C14orf132: variants seen among roughly 807,000 people sequenced by gnomAD.
C14orf132 encodes chromosome 14 open reading frame 132, also known as uncharacterized protein C14orf132.
A neutral mutation model predicts 5.8 loss-of-function variants in C14orf132; 6 were observed. That is an observed-to-expected ratio of 1.03 (90% CI 0.57 to 2.04). The LOEUF (loss-of-function observed/expected upper bound fraction) is 2.04. C14orf132 is among the 30% of genes most tolerant of loss of function. The probability of loss-of-function intolerance (pLI) is 0.00; values close to 1 mark genes in which losing one functional copy is unlikely to be tolerated. For synonymous variants in C14orf132, 51 were observed against 49.8 expected (o/e 1.02, Z -0.10); for missense variants, 125 against 115.8 (o/e 1.08, Z -0.37).
intron 1 of C14orf132, among the ~76,000 whole-genome samples, chr14:96,075,505 G>A (rs1350492976): frequency 2.6e-5 from 4 of 152,162 alleles, no homozygotes; most frequent in African/African-American, 7.2e-5. Context: ...AGATCGTAGA[G>A]GGAAGCATTC....
chr14:96,068,933 G>A (rs967206042), intron 1 of C14orf132, among the ~76,000 whole-genome samples: 4 of 151,912 alleles, frequency 2.6e-5, no homozygotes, highest in African/African-American at 9.7e-5. Context: ...TCCACTGAGG[G>A]AGAAGGAAAA....
chr14:96,066,114 C>T (rs1263386405), intron 1 of C14orf132, among the ~76,000 whole-genome samples: 1 of 152,156 alleles, frequency 6.6e-6, no homozygotes, highest in Non-Finnish European at 1.5e-5. Context: ...TGGGGCATCT[C>T]AAACAGGCCT....
rs138967278 is a variant in C14orf132, at chr14:96,083,193, A to G, written c.28-3318A>G. 2.0e-3 allele frequency among the ~76,000 whole-genome samples: 301 copies of G among 152,262 alleles called. 1 individual carries two copies. The highest frequency in any genetic ancestry group is 6.9e-3 in the African/African-American group (286 of 41,560). The stretch of plus-strand genomic sequence containing the variant: ...CTGATTTCAAGTTCATTAATTCTGC[A>G]TGCTTTTACTTGTCACTTTTTTTGT... On this transcript the variant is annotated intron_variant, in intron 1 of 1. Transcript: ENST00000555004.
At position 96,090,647 on chromosome 14, in the gene C14orf132, C is replaced by A. The variant is rs751368787; in HGVS notation, c.*3912C>A. 2.2e-6 allele frequency: 1 copy of A among 455,940 alleles called. No individual in the cohort carries two copies. The highest frequency in any genetic ancestry group is 4.4e-6 in the Non-Finnish European group (1 of 226,792). 28.2% of individuals were successfully genotyped at this position (455,940 alleles called of 1,614,324 possible). A position where few individuals can be genotyped will look rare whatever the true frequency, so the allele number is the denominator to read the frequency against. On this transcript the variant is annotated 3_prime_UTR_variant, in exon 2 of 2. Transcript: ENST00000555004. ...AAGACTCCCTGCTCCACTCTACCCC[C>A]CAGAGAGAAATGATTCTCGCTCCTT...
intron 1 of C14orf132, among the ~76,000 whole-genome samples, chr14:96,084,964 C>T (rs779662469): frequency 1.2e-4 from 18 of 152,214 alleles, no homozygotes; most frequent in Non-Finnish European, 2.1e-4. Flanking sequence ...TGAGCAGCAG[C>T]TGCCCAGGCA....
rs1220325781 is a variant in C14orf132, at chr14:96,092,801, C to G, written c.*6066C>G. On this transcript the variant is annotated 3_prime_UTR_variant, in exon 2 of 2. Coordinates refer to ENST00000555004, the MANE Select transcript of C14orf132 (RefSeq NM_001252507.3). ...TAGTGGTGGCTTTCATGAGGCCAGT[C>G]GTTCTCAAGGAAGGGCTGGGGGCCA... 1.3e-5 allele frequency: 2 copies of G among 152,176 alleles called. No individual in the cohort carries two copies. The highest frequency in any genetic ancestry group is 1.5e-5 in the Non-Finnish European group (1 of 68,058). 9.4% of individuals were successfully genotyped at this position (152,176 alleles called of 1,614,324 possible). A position where few individuals can be genotyped will look rare whatever the true frequency, so the allele number is the denominator to read the frequency against.
At chr14:96,046,836 G>A (rs1271075931) in intron 1 of C14orf132, among the ~76,000 whole-genome samples, 1 of 152,152 alleles carries the variant, frequency 6.6e-6, no homozygotes, top group African/African-American at 2.4e-5. Flanking sequence ...TTTTCACAGA[G>A]GGGAAAAAAG....
rs1888291521 is a variant in C14orf132 at position 96,088,814 on chromosome 14, G to A, written c.*2079G>A. The A allele has an allele frequency of 6.6e-6, 1 of 152,322 alleles. No homozygotes were observed. 9.4% of individuals were successfully genotyped at this position (152,322 alleles called of 1,614,324 possible). A position where few individuals can be genotyped will look rare whatever the true frequency, so the allele number is the denominator to read the frequency against. On this transcript the variant is annotated 3_prime_UTR_variant, in exon 2 of 2. Transcript: ENST00000555004. ...AGGGTTCTGTGTTTGCTGCGGTGAA[G>A]GGAGGAGAAGGCAGGAGGAAAAAGG...
chr14:96,087,479 G>A lies in C14orf132; in HGVS notation c.*744G>A, dbSNP rs764117049. 2 of 152,088 alleles carry A rather than the reference G, an allele frequency of 1.3e-5. No homozygotes were observed. Among genetic ancestry groups the A allele is most frequent in the Non-Finnish European group, 2.9e-5 (2 of 68,036 alleles). 9.4% of individuals were successfully genotyped at this position (152,088 alleles called of 1,614,324 possible). A position where few individuals can be genotyped will look rare whatever the true frequency, so the allele number is the denominator to read the frequency against. On this transcript the variant is annotated 3_prime_UTR_variant, in exon 2 of 2. Transcript: ENST00000555004. ...TTCAGGCCACCCACGTGAGAATGCT[G>A]TTTCTTCTCTGAGGAATCGTGGAAT...
In C14orf132 at chr14:96,086,654, C is replaced by A. The variant is rs533002203; in HGVS notation, c.171C>A (p.Asp57Glu). ...QPEDPPRSSN[D>E]AVLLWIAIIA... ...AAGATCCTCCTCGGTCCTCCAACGACGCCGTCTTGCTATGGATTGCCATCA... is the reference window on the plus strand; with the variant it reads ...AAGATCCTCCTCGGTCCTCCAACGAAGCCGTCTTGCTATGGATTGCCATCA... The change falls in exon 2 of 2, where the codon GAC (aspartate) becomes GAA (glutamate). Residue 57 changes from aspartate (D) to glutamate (E), a missense_variant. Asp to Glu is a conservative substitution (Grantham distance 45). Coordinates refer to ENST00000555004, the MANE Select transcript of C14orf132 (RefSeq NM_001252507.3). 2.0e-6 allele frequency: 3 copies of A among 1,536,056 alleles called. No homozygotes were observed. The highest frequency in any genetic ancestry group is 2.7e-5 in the African/African-American group (2 of 73,058).
intron 1 of C14orf132, among the ~76,000 whole-genome samples, chr14:96,080,904 C>T (rs1339899570): frequency 1.1e-4 from 16 of 152,216 alleles, no homozygotes; most frequent in Non-Finnish European, 1.8e-4. Flanking sequence ...ATAACCATCA[C>T]GCGTTTGGTG....
At position 96,081,192 on chromosome 14, in the gene C14orf132, A is replaced by G. The variant is rs529164905; in HGVS notation, c.28-5319A>G. Among the ~76,000 whole-genome samples the G allele has an allele frequency of 2.6e-5, 4 of 152,316 alleles. No individual in the cohort carries two copies. The East Asian group carries it at 7.7e-4, about 29-fold the overall frequency. On this transcript the variant is annotated intron_variant, in intron 1 of 1. Coordinates refer to ENST00000555004, the MANE Select transcript of C14orf132 (RefSeq NM_001252507.3). ...AAATCCATGCATAGTACATGGTCAT[A>G]TTATGCATGCATGTTTTTGATTTCA...
chr14:96,049,274 G>A (rs1886926084), intron 1 of C14orf132, among the ~76,000 whole-genome samples: 1 of 151,986 alleles, frequency 6.6e-6, no homozygotes, highest in Non-Finnish European at 1.5e-5. Flanking sequence ...ATTTTTAAGA[G>A]CCTATTTTAA....
intron 1 of C14orf132, among the ~76,000 whole-genome samples, chr14:96,054,349 C>A (rs1373802015): frequency 6.6e-6 from 1 of 152,172 alleles, no homozygotes; most frequent in Non-Finnish European, 1.5e-5. Context: ...TTGTGCAGTG[C>A]ACTGATGGTA....
chr14:96,091,310 G>A lies in C14orf132; in HGVS notation c.*4575G>A, dbSNP rs757648781. 1.0e-4 allele frequency: 34 copies of A among 337,224 alleles called. No homozygotes were observed. The highest frequency in any genetic ancestry group is 1.7e-4 in the Non-Finnish European group (29 of 173,502). 20.9% of individuals were successfully genotyped at this position (337,224 alleles called of 1,614,324 possible). A position where few individuals can be genotyped will look rare whatever the true frequency, so the allele number is the denominator to read the frequency against. ...GTGTAAGTCCAGGAAAGGGGCAGGC[G>A]GCAGTGCACAGGGATTTATCAGTTC... is the stretch of plus-strand genomic sequence containing the variant. On this transcript the variant is annotated 3_prime_UTR_variant, in exon 2 of 2. Transcript: ENST00000555004.
At chr14:96,080,912 G>T (rs1489279498) in intron 1 of C14orf132, among the ~76,000 whole-genome samples, 2 of 152,180 alleles carry the variant, frequency 1.3e-5, no homozygotes, top group African/African-American at 4.8e-5. Flanking sequence ...CACGCGTTTG[G>T]TGCACTCCAA....
chr14:96,055,376 C>T (rs1887151504), intron 1 of C14orf132, among the ~76,000 whole-genome samples: 1 of 152,108 alleles, frequency 6.6e-6, no homozygotes, highest in African/African-American at 2.4e-5. Context: ...TGCCCTCTGC[C>T]CCAGAGGGGA....
intron 1 of C14orf132, among the ~76,000 whole-genome samples, chr14:96,055,525 G>A (rs1399854894): frequency 3.3e-5 from 5 of 152,072 alleles, no homozygotes; most frequent in South Asian, 2.1e-4. Flanking sequence ...GCATTTATAC[G>A]TATCCTTCAC....
At chr14:96,061,029 T>A (rs1250015827) in intron 1 of C14orf132, among the ~76,000 whole-genome samples, 1 of 152,092 alleles carries the variant, frequency 6.6e-6, no homozygotes, top group Non-Finnish European at 1.5e-5. Context: ...ACAAAGACAA[T>A]GCCACGACCA....
Sources: gnomAD v4.1 joint callset for allele counts (sites outside exome capture counted in the v4.1 genomes callset) on GRCh38, gnomAD v4.1.1 for gene constraint, MANE v1.5 for transcripts, NCBI Gene and HGNC (gene_info 2026-07-23, HGNC 2026-07-21) for gene names.